The following RAD51B variants were observed in gnomAD, a reference collection of about 807,000 sequenced individuals.
RAD51B encodes the protein DNA repair protein RAD51 homolog 2.
In RAD51B, 38 loss-of-function variants were observed where a neutral mutation model predicts 42.2. The ratio of observed to expected loss-of-function variants is 0.90; its 90% CI spans 0.70 to 1.18. The LOEUF (loss-of-function observed/expected upper bound fraction) is 1.18. RAD51B is among the 50% of genes most tolerant of loss of function. RAD51B has a pLI of 0.00. For missense variants in RAD51B, 373 were observed against 400.7 expected, an observed-to-expected ratio of 0.93 and a Z score of 0.59; for synonymous variants, 154 against 145.2, an observed-to-expected ratio of 1.06 and a Z score of -0.43.
chr14:68,334,957 TTA>T (rs869183847), intron 8 of RAD51B, among the ~76,000 whole-genome samples: 1 of 78,582 alleles, frequency 1.3e-5, no homozygotes. Flanking sequence ...TATATATGTT[TTA>T]TATATATATA....
chr14:68,508,606 C>A (rs1009517395), intron 10 of RAD51B, among the ~76,000 whole-genome samples: 1 of 152,134 alleles, frequency 6.6e-6, no homozygotes, highest in Non-Finnish European at 1.5e-5. Context: ...GACCTCCTAC[C>A]CTGTCTGGAA....
At chr14:68,105,908 T>C (rs950747089) in intron 7 of RAD51B, among the ~76,000 whole-genome samples, 5 of 151,948 alleles carry the variant, frequency 3.3e-5, no homozygotes, top group Admixed American at 3.3e-4. Flanking sequence ...TTTGCAACTA[T>C]GGGAATGAAA....
intron 7 of RAD51B, among the ~76,000 whole-genome samples, chr14:67,911,071 G>T (rs2043964200): frequency 6.6e-6 from 1 of 152,096 alleles, no homozygotes; most frequent in Non-Finnish European, 1.5e-5. Flanking sequence ...ACCCATCTGT[G>T]CCTCCCAAAG....
chr14:68,121,398 C>G (rs1477291630), intron 7 of RAD51B, among the ~76,000 whole-genome samples: 1 of 152,122 alleles, frequency 6.6e-6, no homozygotes, highest in Admixed American at 6.5e-5. Context: ...AGGCGTTATT[C>G]CTCCTTGTTG....
At chr14:68,682,806 G>C in intron 11 of RAD51B, 6 of 364,472 alleles carry the variant, frequency 1.6e-5, no homozygotes, top group Non-Finnish European at 2.3e-5. Flanking sequence ...AGTGGGGAGA[G>C]GGCGGGGAGT....
chr14:68,011,224 C>T (rs1177684941), intron 7 of RAD51B, among the ~76,000 whole-genome samples: 1 of 152,010 alleles, frequency 6.6e-6, no homozygotes, highest in East Asian at 1.9e-4. Context: ...CATATCTACT[C>T]TCAGTCTGTA....
intron 9 of RAD51B, among the ~76,000 whole-genome samples, chr14:68,412,556 G>A (rs758902683): frequency 1.6e-4 from 24 of 152,218 alleles, no homozygotes; most frequent in Non-Finnish European, 3.2e-4. Context: ...GCCTGTTCTA[G>A]ACATAATTTT....
chr14:68,207,129 AGT>A (rs2079607091), intron 7 of RAD51B, among the ~76,000 whole-genome samples: 1 of 152,078 alleles, frequency 6.6e-6, no homozygotes, highest in South Asian at 2.1e-4. Context: ...TTAAAGACTA[AGT>A]TCTGGGCATA....
chr14:68,328,861 A>G (rs1460275540), intron 8 of RAD51B, among the ~76,000 whole-genome samples: 1 of 152,152 alleles, frequency 6.6e-6, no homozygotes, highest in Non-Finnish European at 1.5e-5. Flanking sequence ...GACTAACAAC[A>G]CACTGCAAGG....
At position 68,682,278 on chromosome 14, in the gene RAD51B, C is replaced by A. The variant is rs143061221; in HGVS notation, c.*11+31422C>A. Reference sequence around the variant, plus strand: ...ACCAATCTGTCTCCGGTAAACCTAACTAGCTAGTCAACTTTTCCCATCCAT... The same window carrying A: ...ACCAATCTGTCTCCGGTAAACCTAAATAGCTAGTCAACTTTTCCCATCCAT... On this transcript the variant is annotated intron_variant, in intron 11 of 11. Coordinates refer to the RAD51B transcript ENST00000488612. 2.2e-3 allele frequency among the ~76,000 whole-genome samples: 339 copies of A among 152,280 alleles called. 2 individuals are homozygous for A. The highest frequency in any genetic ancestry group is 7.7e-3 in the African/African-American group (321 of 41,550).
At chr14:67,835,607 CATT>C (rs1199649689) in intron 4 of RAD51B, among the ~76,000 whole-genome samples, 2 of 150,992 alleles carry the variant, frequency 1.3e-5, no homozygotes, top group Non-Finnish European at 1.5e-5. Context: ...ACATAAATAA[CATT>C]ATATATTTTA....
chr14:68,445,972 C>G (rs2085410847), intron 9 of RAD51B, among the ~76,000 whole-genome samples: 1 of 152,154 alleles, frequency 6.6e-6, no homozygotes, highest in Non-Finnish European at 1.5e-5. Context: ...TAGAGGGGCT[C>G]AAAAGTGAGG....
At chr14:68,671,940 T>G (rs1893167687) in intron 11 of RAD51B, among the ~76,000 whole-genome samples, 1 of 152,200 alleles carries the variant, frequency 6.6e-6, no homozygotes, top group Admixed American at 6.5e-5. Flanking sequence ...TAATGGGTTT[T>G]CCTTTCCAGA....
At chr14:68,585,084 A>G (rs1424649142) in intron 10 of RAD51B, among the ~76,000 whole-genome samples, 2 of 152,118 alleles carry the variant, frequency 1.3e-5, no homozygotes, top group African/African-American at 2.4e-5. Context: ...CTCAGAATAT[A>G]CTCAAGTGGG....
At chr14:67,936,041 AC>A (rs11318032) in intron 7 of RAD51B, among the ~76,000 whole-genome samples, 3,943 of 152,338 alleles carry the variant, frequency 0.026, 170 homozygotes, top group African/African-American at 0.09. Flanking sequence ...TATAAAGGAC[AC>A]ATTATAAAAA....
At chr14:68,266,293 A>G (rs547226336) in intron 7 of RAD51B, among the ~76,000 whole-genome samples, 1 of 152,360 alleles carries the variant, frequency 6.6e-6, no homozygotes, top group East Asian at 1.9e-4. Flanking sequence ...AGACCCAGGG[A>G]AAACTGTGTA....
downstream of RAD51B, among the ~76,000 whole-genome samples, chr14:68,481,587 A>T (rs1345750685): frequency 6.6e-6 from 1 of 152,158 alleles, no homozygotes; most frequent in African/African-American, 2.4e-5. Context: ...CTTTACATAC[A>T]CAATCTTCTC....
At chr14:68,561,162 G>A (rs987127896) in intron 10 of RAD51B, among the ~76,000 whole-genome samples, 6 of 152,162 alleles carry the variant, frequency 3.9e-5, no homozygotes, top group African/African-American at 1.4e-4. Context: ...TCCCATGCTG[G>A]CTCCCAAATA....
intron 8 of RAD51B, among the ~76,000 whole-genome samples, chr14:68,404,339 C>T (rs1044550054): frequency 1.3e-5 from 2 of 152,144 alleles, no homozygotes; most frequent in African/African-American, 4.8e-5. Context: ...AGAGAAGGTT[C>T]ACTTATCTGT....
Sources: allele counts gnomAD v4.1 joint callset (sites outside exome capture counted in the v4.1 genomes callset), GRCh38; gene constraint gnomAD v4.1.1; transcripts MANE v1.5; gene names NCBI Gene and HGNC (gene_info 2026-07-23, HGNC 2026-07-21).